The following SLC7A5 variants were observed in gnomAD, a reference collection of about 807,000 sequenced individuals.
SLC7A5 encodes the protein large neutral amino acids transporter small subunit 1.
SLC7A5 carries 23 observed loss-of-function variants against 50.2 expected under a neutral mutation model. The observed-to-expected ratio is 0.46, with a 90% confidence interval of 0.33 to 0.65. The LOEUF (loss-of-function observed/expected upper bound fraction) is 0.65, where lower values mean the gene tolerates loss of function less well. SLC7A5 is among the 30% of genes least tolerant of loss of function. SLC7A5 has a pLI of 0.02. For synonymous variants in SLC7A5, 393 were observed against 330.6 expected, an observed-to-expected ratio of 1.19 and a Z score of -2.05; for missense variants, 578 against 684.4, an observed-to-expected ratio of 0.84 and a Z score of 1.73.
intron 3 of SLC7A5, among the ~76,000 whole-genome samples, chr16:87,840,816 C>T (rs112550803): frequency 2.2e-4 from 34 of 152,288 alleles, no homozygotes; most frequent in Middle Eastern, 3.4e-3. Flanking sequence ...GCCAAGACTG[C>T]GACGTGGAGC....
At chr16:87,847,495 G>A (rs895804105) in intron 2 of SLC7A5, among the ~76,000 whole-genome samples, 3 of 152,198 alleles carry the variant, frequency 2.0e-5, no homozygotes, top group African/African-American at 7.2e-5. Flanking sequence ...GCTCAGTGAA[G>A]CTCAGAGACC....
rs1206901629 is a variant in SLC7A5, at chr16:87,868,894, G to A, written c.529C>T (p.Leu177Phe). 1 of 1,607,746 alleles carries A rather than the reference G, an allele frequency of 6.2e-7. No individual in the cohort carries two copies. The highest frequency in any genetic ancestry group is 1.7e-5 in the Admixed American group (1 of 59,342). ...CGCGCCCCGTACTCACGCACGCAGAGGCAGGCCACGAGCTTGGCTGCCTCC... is the reference window on the plus strand; with the variant it reads ...CGCGCCCCGTACTCACGCACGCAGAAGCAGGCCACGAGCTTGGCTGCCTCC... ...PEEAAKLVAC[L>F]CVLLLTAVNC... The change falls in exon 1 of 10, where the codon CTC (leucine) becomes TTC (phenylalanine). Residue 177 changes from leucine (L) to phenylalanine (F), a missense_variant. Around this residue, in one of 2 missense-constraint regions of SLC7A5, gnomAD observed 465 missense variants for 594.6 expected, o/e 0.78. Transcript: ENST00000261622.
At chr16:87,842,295 C>T (rs183600536) in intron 2 of SLC7A5, among the ~76,000 whole-genome samples, 39 of 152,304 alleles carry the variant, frequency 2.6e-4, no homozygotes, top group African/African-American at 8.4e-4. Context: ...CAGGCAGGGA[C>T]GGGCCCTGGG....
chr16:87,838,854 G>A (rs1432990721), intron 5 of SLC7A5, 37 bp from the exon 6 acceptor site: 3 of 1,504,124 alleles, frequency 2.0e-6, no homozygotes, highest in Non-Finnish European at 1.9e-6. Flanking sequence ...GCCCCACCGG[G>A]CCGGCCCTCG....
In SLC7A5 at chr16:87,853,877, G is replaced by GAGACACCGCTGCC. The variant is rs1567497766; in HGVS notation, c.539-2029_539-2028insGGCAGCGGTGTCT. On this transcript the variant is annotated intron_variant, in intron 1 of 9. Transcript: ENST00000261622. The surrounding 1 kb of genome is among the most constrained non-coding windows in gnomAD (Gnocchi z 4.4). The stretch of plus-strand genomic sequence containing the variant: ...ACTCCAGACACCAGACAGGCGCTGC[G>GAGACACCGCTGCC]GAGACACTGAGCACTGCCCTCGCGG... 8.8e-4 allele frequency: 134 copies of GAGACACCGCTGCC among 152,070 alleles called. No homozygotes were observed. The highest frequency in any genetic ancestry group is 3.2e-3 in the African/African-American group (133 of 41,488). The allele number at this position is 152,070 out of a possible 1,614,324, so 9.4% of individuals were successfully genotyped here.
intron 1 of SLC7A5, among the ~76,000 whole-genome samples, chr16:87,864,009 C>CATATATATATA (rs2055431517): frequency 1.1e-4 from 1 of 9,002 alleles, no homozygotes; most frequent in Non-Finnish European, 4.2e-4. Flanking sequence ...ATATATATAT[C>CATATATATATA]AGCCGAGTAG....
intron 2 of SLC7A5, among the ~76,000 whole-genome samples, chr16:87,850,412 C>T (rs544952475): frequency 6.6e-6 from 1 of 152,200 alleles, no homozygotes; most frequent in Admixed American, 6.5e-5. Context: ...CTTGCCCTGT[C>T]CTCTGCAGCC....
At chr16:87,844,766 T>A (rs1429268645) in intron 2 of SLC7A5, among the ~76,000 whole-genome samples, 1 of 152,248 alleles carries the variant, frequency 6.6e-6, no homozygotes, top group Non-Finnish European at 1.5e-5. Context: ...AAGCGCGGAC[T>A]TTCCACTGTG....
At chr16:87,845,340 G>A (rs2055138022) in intron 2 of SLC7A5, among the ~76,000 whole-genome samples, 1 of 152,236 alleles carries the variant, frequency 6.6e-6, no homozygotes. Flanking sequence ...GGAGCTAGCT[G>A]CCCTGTGGGC....
At chr16:87,842,757 C>T (rs77200180) in intron 2 of SLC7A5, among the ~76,000 whole-genome samples, 3 of 152,204 alleles carry the variant, frequency 2.0e-5, no homozygotes, top group African/African-American at 7.2e-5. Context: ...CCACTGCCTG[C>T]GTGTGATGTA....
intron 2 of SLC7A5, among the ~76,000 whole-genome samples, chr16:87,850,285 C>A (rs1025950043): frequency 3.3e-5 from 5 of 152,226 alleles, no homozygotes; most frequent in African/African-American, 9.6e-5. Flanking sequence ...TGAGGCAGGG[C>A]CCCACACAGG....
chr16:87,863,990 T>TATATATATATATATAC (rs1365005747), intron 1 of SLC7A5, among the ~76,000 whole-genome samples: 1 of 124,628 alleles, frequency 8.0e-6, no homozygotes, highest in Non-Finnish European at 1.7e-5. Context: ...TTTAAAAATA[T>TATATATATATATATAC]ATATATATAT....
chr16:87,865,526 T>A (rs928421032), intron 1 of SLC7A5, among the ~76,000 whole-genome samples: 1 of 151,800 alleles, frequency 6.6e-6, no homozygotes, highest in South Asian at 2.1e-4. Context: ...CTGGCCAACA[T>A]GGTGAAGCCC....
rs189255064 is a variant in SLC7A5, at chr16:87,853,271, C to T, written c.539-1422G>A. On this transcript the variant is annotated intron_variant, in intron 1 of 9. Coordinates refer to ENST00000261622, the MANE Select transcript of SLC7A5 (RefSeq NM_003486.7). This position sits in a 1 kb window ranked among gnomAD's most constrained non-coding sequence, Gnocchi z 4.4. ...GCTAATTAACTAATGACACCGGAAACGTCCTGAGGTGCGGGACGGGCTGCC... is the reference window on the plus strand; with the variant it reads ...GCTAATTAACTAATGACACCGGAAATGTCCTGAGGTGCGGGACGGGCTGCC... Among the ~76,000 whole-genome samples the T allele has an allele frequency of 3.1e-4, 47 of 152,350 alleles. 1 individual carries two copies. The East Asian group carries it at 7.7e-3, about 25-fold the overall frequency.
At position 87,836,454 on chromosome 16, in the gene SLC7A5, C is replaced by T. The variant is rs774937771; in HGVS notation, c.1290+44G>A. The T allele has an allele frequency of 9.4e-6, 15 of 1,601,110 alleles. No homozygotes were observed. In the African/African-American group the frequency reaches 1.9e-4, roughly 20 times the overall value. ...GGGTCCTTAGGACCCACGGACCCTG[C>T]CTCTGTGAAGGGTGCCTGGGTGAGC... On this transcript the variant is annotated intron_variant, in intron 8 of 9. Transcript: ENST00000261622.
intron 2 of SLC7A5, among the ~76,000 whole-genome samples, chr16:87,849,774 GC>G (rs1281581645): frequency 6.6e-6 from 1 of 152,118 alleles, no homozygotes; most frequent in Non-Finnish European, 1.5e-5. Context: ...CTTCCTGCCA[GC>G]CCTGTCCTGC....
At position 87,866,272 on chromosome 16, in the gene SLC7A5, C is replaced by T. The variant is rs144654351; in HGVS notation, c.538+2613G>A. Among the ~76,000 whole-genome samples, 1,325 of 152,182 alleles carry T rather than the reference C, an allele frequency of 8.7e-3. 21 individuals are homozygous for T. Among genetic ancestry groups the T allele is most frequent in the African/African-American group, 0.03 (1,247 of 41,508 alleles). ...ATGATCTTTTAAATAAATAGGCCAG[C>T]GATATATTTGTAACAGAAGCAGCTC... is the stretch of plus-strand genomic sequence containing the variant. On this transcript the variant is annotated intron_variant, in intron 1 of 9. Transcript: ENST00000261622.
chr16:87,844,952 G>A (rs948056642), intron 2 of SLC7A5, among the ~76,000 whole-genome samples: 4 of 152,380 alleles, frequency 2.6e-5, no homozygotes, highest in Non-Finnish European at 5.9e-5. Flanking sequence ...CCGGATTAGA[G>A]TAGGCACTAA....
At position 87,837,851 on chromosome 16, in the gene SLC7A5, C is replaced by T. The variant is rs974877327; in HGVS notation, c.1134G>A (p.Val378=). The change falls in exon 7 of 10, where the codon GTG becomes GTA. Residue 378 remains valine, a synonymous_variant. Transcript: ENST00000261622. ...GGCCGTGCAGCAGGCTTACCGTGAA[C>T]ACGAGGGACGGCACGGGGGTGAGGA... is the stretch of plus-strand genomic sequence containing the variant. ...PQLLTPVPSL[V]FTCVMTLLYA... 4 of 1,603,920 alleles carry T rather than the reference C, an allele frequency of 2.5e-6. No individual in the cohort carries two copies. The highest frequency in any genetic ancestry group is 2.5e-6 in the Non-Finnish European group (3 of 1,176,698).
Sources: allele counts gnomAD v4.1 joint callset (sites outside exome capture counted in the v4.1 genomes callset), GRCh38; gene constraint gnomAD v4.1.1; regional missense constraint gnomAD v4.1.1; non-coding constraint Gnocchi (gnomAD v3.1); transcripts MANE v1.5; gene names NCBI Gene and HGNC (gene_info 2026-07-23, HGNC 2026-07-21).